The following ACSL3 variants were observed in gnomAD, a reference collection of about 807,000 sequenced individuals.
ACSL3 encodes fatty acid CoA ligase Acsl3.
Under a neutral mutation model 84.7 loss-of-function variants are expected in ACSL3, and 34 were observed. That is an observed-to-expected ratio of 0.40 (90% CI 0.31 to 0.53). The LOEUF is 0.53. Among genes scored for constraint, ACSL3 ranks in the 20% least tolerant of loss-of-function variants. The probability of loss-of-function intolerance (pLI) is 0.48; values close to 1 mark genes in which losing one functional copy is unlikely to be tolerated. For synonymous variants in ACSL3, 315 were observed against 299.4 expected (o/e 1.05, Z -0.54); for missense variants, 680 against 873.1 (o/e 0.78, Z 2.79).
At chr2:222,941,471 CTTT>C in intron 16 of ACSL3, 23 bp from the exon 17 acceptor site, 1 of 1,379,962 alleles carries the variant, frequency 7.2e-7, no homozygotes. Context: ...ACCTTTTCTT[CTTT>C]TCTTTTTTTT....
In ACSL3 at chr2:222,941,667, G is replaced by T; in HGVS notation, c.*13G>T. The T allele has an allele frequency of 6.2e-7, 1 of 1,607,120 alleles. No individual in the cohort carries two copies. On this transcript the variant is annotated 3_prime_UTR_variant, in exon 17 of 17. Transcript: ENST00000357430. ...TGGAAGAAAATAATTATTCTCTTCT[G>T]GCATCAGTTTGCTACAGTGAGCTCA...
Position 222,921,888 on chromosome 2 carries a change from G to T in ACSL3, c.956+458G>T, listed in dbSNP as rs186218437. Among the ~76,000 whole-genome samples the T allele has an allele frequency of 1.4e-4, 21 of 152,284 alleles. No homozygotes were observed. In the East Asian group the frequency reaches 3.9e-3, roughly 28 times the overall value. On this transcript the variant is annotated intron_variant, in intron 8 of 16. Coordinates refer to ENST00000357430, the MANE Select transcript of ACSL3 (RefSeq NM_004457.5). The stretch of plus-strand genomic sequence containing the variant: ...GATGGAGGAAACCAGATGGAAGTTT[G>T]AGGGACTGTCAAGGAAACATTGCCA...
chr2:222,882,436 G>A (rs969666308), intron 1 of ACSL3, among the ~76,000 whole-genome samples: 1 of 152,134 alleles, frequency 6.6e-6, no homozygotes, highest in Non-Finnish European at 1.5e-5. Flanking sequence ...ACCCAGTTTC[G>A]TGGAAGACAG....
chr2:222,872,029 A>G (rs920367228), intron 1 of ACSL3, among the ~76,000 whole-genome samples: 4 of 152,132 alleles, frequency 2.6e-5, no homozygotes, highest in Admixed American at 2.0e-4. Flanking sequence ...CTAGGGAAAA[A>G]CTTAAGTAGG....
At chr2:222,938,795 T>C (rs551308376) in intron 16 of ACSL3, among the ~76,000 whole-genome samples, 36 of 152,294 alleles carry the variant, frequency 2.4e-4, no homozygotes, top group African/African-American at 8.2e-4. Context: ...CATTCATTCC[T>C]TAGGTTCTCT....
chr2:222,909,229 C>G, intron 4 of ACSL3, 79 bp downstream of exon 4: 1 of 1,383,828 alleles, frequency 7.2e-7, no homozygotes, highest in East Asian at 2.4e-5. Flanking sequence ...CAAGCACAGC[C>G]TGCCTCCATT....
Position 222,941,873 on chromosome 2 carries a change from C to T in ACSL3, c.*219C>T, listed in dbSNP as rs959180413. On this transcript the variant is annotated 3_prime_UTR_variant, in exon 17 of 17. Transcript: ENST00000357430. ...TTTCCCCGCCACCAACTTACTTTAC[C>T]ACCTATGACTGTACTTGTCAGTATG... 2 of 459,268 alleles carry T rather than the reference C, an allele frequency of 4.4e-6. No homozygotes were observed. Among genetic ancestry groups the T allele is most frequent in the Admixed American group, 3.9e-5 (1 of 25,722 alleles). 28.4% of individuals were successfully genotyped at this position (459,268 alleles called of 1,614,324 possible).
chr2:222,888,115 C>T (rs1018642138), intron 2 of ACSL3, among the ~76,000 whole-genome samples: 4 of 152,122 alleles, frequency 2.6e-5, no homozygotes, highest in Admixed American at 6.5e-5. Flanking sequence ...ACTTGAATTT[C>T]ACTAAGTATC....
At chr2:222,866,744 GCCCCCCCCGCCCCCCCCCCC>G (rs1695153945) in intron 1 of ACSL3, among the ~76,000 whole-genome samples, 3 of 22,730 alleles carry the variant, frequency 1.3e-4, no homozygotes, top group African/African-American at 2.5e-4. Context: ...AAACTGCCCT[GCCCCCCCCGCCCCCCCCCCC>G]CCCCCCCCCC....
At chr2:222,906,446 A>G (rs1313577222) in intron 3 of ACSL3, among the ~76,000 whole-genome samples, 1 of 152,140 alleles carries the variant, frequency 6.6e-6, no homozygotes, top group African/African-American at 2.4e-5. Context: ...CCCACTTGTG[A>G]TCCAGTTAAA....
intron 1 of ACSL3, among the ~76,000 whole-genome samples, chr2:222,876,517 G>A (rs1360654340): frequency 2.0e-5 from 3 of 151,926 alleles, no homozygotes; most frequent in East Asian, 3.9e-4. Flanking sequence ...GTAGACACTA[G>A]ATCTATTTTG....
In ACSL3 at chr2:222,924,189, G is replaced by T. The variant is rs192901566; in HGVS notation, c.1153-267G>T. Reference sequence around the variant, plus strand: ...ATCTTACAATTTATATGAGTATCTAGATATATTTCTGCTTTTAAAAATTAT... The same window carrying T: ...ATCTTACAATTTATATGAGTATCTATATATATTTCTGCTTTTAAAAATTAT... On this transcript the variant is annotated intron_variant, in intron 10 of 16. Transcript: ENST00000357430. Among the ~76,000 whole-genome samples the T allele has an allele frequency of 5.3e-5, 8 of 152,294 alleles. No individual in the cohort carries two copies. The South Asian group carries it at 8.3e-4, about 16-fold the overall frequency.
intron 13 of ACSL3, 153 bp from the exon 14 acceptor site, chr2:222,930,468 A>T: frequency 1.8e-6 from 1 of 555,730 alleles, no homozygotes; most frequent in Non-Finnish European, 2.9e-6. Flanking sequence ...CCTACTGTTA[A>T]ATTGATAAAC....
At chr2:222,938,901 C>G (rs941674276) in intron 16 of ACSL3, among the ~76,000 whole-genome samples, 1 of 152,096 alleles carries the variant, frequency 6.6e-6, no homozygotes, top group African/African-American at 2.4e-5. Flanking sequence ...TGTCGATCCT[C>G]TAGTGAATTT....
chr2:222,941,459 A>G (rs1317676194), intron 16 of ACSL3, 38 bp from the exon 17 acceptor site: 4 of 1,537,688 alleles, frequency 2.6e-6, no homozygotes, highest in Middle Eastern at 1.7e-4. Flanking sequence ...AAGAACTTAA[A>G]TACCTTTTCT....
At chr2:222,930,434 T>G (rs115480979) in intron 13 of ACSL3, among the ~76,000 whole-genome samples, 187 bp from the exon 14 acceptor site, 2 of 152,248 alleles carry the variant, frequency 1.3e-5, no homozygotes, top group Non-Finnish European at 2.9e-5. Flanking sequence ...TAAATACTTA[T>G]GGTTTAGCAA....
intron 16 of ACSL3, among the ~76,000 whole-genome samples, chr2:222,938,684 A>G (rs1340657327): frequency 6.6e-6 from 1 of 152,100 alleles, no homozygotes; most frequent in African/African-American, 2.4e-5. Flanking sequence ...TCTCAGATAC[A>G]GGAAGGTTTT....
At chr2:222,920,876 G>C in intron 7 of ACSL3, 1 of 432,358 alleles carries the variant, frequency 2.3e-6, no homozygotes, top group South Asian at 1.8e-5. Context: ...TCCTACCTTT[G>C]GGTCTTTGCA....
chr2:222,894,712 A>G (rs1195589895), intron 2 of ACSL3, among the ~76,000 whole-genome samples: 1 of 151,704 alleles, frequency 6.6e-6, no homozygotes, highest in Non-Finnish European at 1.5e-5. Context: ...TTCTGTAGTC[A>G]GGCATGAAGC....
Sources: gnomAD v4.1 joint callset for allele counts (sites outside exome capture counted in the v4.1 genomes callset) on GRCh38, gnomAD v4.1.1 for gene constraint, MANE v1.5 for transcripts, NCBI Gene and HGNC (gene_info 2026-07-23, HGNC 2026-07-21) for gene names.